Variants in TUBGCP5 observed in about 807,000 individuals in gnomAD.
The protein encoded by TUBGCP5 is tubulin gamma complex component 5, also known as gamma-tubulin complex component 5.
TUBGCP5 carries 98 observed loss-of-function variants against 134.7 expected under a neutral mutation model. The observed-to-expected ratio is 0.73, with a 90% CI of 0.62 to 0.86. The LOEUF (loss-of-function observed/expected upper bound fraction) is 0.86. Ranked by LOEUF, TUBGCP5 falls within the 40% of genes least tolerant of loss-of-function variation. The pLI, the probability that TUBGCP5 is intolerant of heterozygous loss-of-function variation, is 0.00. For missense variants in TUBGCP5, 1,150 were observed against 1,244.8 expected (o/e 0.92, Z 1.15); for synonymous variants, 456 against 431.4 (o/e 1.06, Z -0.71).
At chr15:23,028,804 A>T (rs1042975870) in intron 6 of TUBGCP5, among the ~76,000 whole-genome samples, 1 of 152,158 alleles carries the variant, frequency 6.6e-6, no homozygotes, top group Non-Finnish European at 1.5e-5. Flanking sequence ...GCTGGGCCAG[A>T]AAAGAGATTT....
intron 11 of TUBGCP5, 77 bp from the exon 12 acceptor site, chr15:23,019,411 AAAT>A: frequency 1.1e-6 from 1 of 885,596 alleles, no homozygotes; most frequent in African/African-American, 1.7e-5. Flanking sequence ...AACATTTCTG[AAAT>A]GCCTTTAAAA....
At chr15:23,021,308 A>T (rs566989278) in intron 11 of TUBGCP5, among the ~76,000 whole-genome samples, 1 of 152,174 alleles carries the variant, frequency 6.6e-6, no homozygotes, top group South Asian at 2.1e-4. Flanking sequence ...TAAAATATAT[A>T]ACATAAAATT....
chr15:23,005,836 C>A (rs1280956018), intron 18 of TUBGCP5: 1 of 676,190 alleles, frequency 1.5e-6, no homozygotes, highest in Non-Finnish European at 2.4e-6. Flanking sequence ...ACTGTACATA[C>A]AACTTCCTGA....
intron 19 of TUBGCP5, 46 bp downstream of exon 19, chr15:23,005,386 G>A (rs1399313644): frequency 1.9e-6 from 3 of 1,595,772 alleles, no homozygotes; most frequent in African/African-American, 2.7e-5. Flanking sequence ...ACGAACAACT[G>A]TATAGATACG....
intron 16 of TUBGCP5, among the ~76,000 whole-genome samples, chr15:23,007,040 A>C (rs2064757535): frequency 6.6e-6 from 1 of 152,136 alleles, no homozygotes; most frequent in Non-Finnish European, 1.5e-5. Flanking sequence ...TGGGGAGTTA[A>C]CTTCCAAATC....
In TUBGCP5 at chr15:23,008,729, A is replaced by T; in HGVS notation, c.2297T>A (p.Val766Glu). 2 of 1,607,838 alleles carry T rather than the reference A, an allele frequency of 1.2e-6. No individual in the cohort carries two copies. Among genetic ancestry groups the T allele is most frequent in the South Asian group, 2.2e-5 (2 of 89,188 alleles). ...SFLNVQLQEA[V>E]GQRYPEDSSR... ...ACTATCTTCAGGATAACGCTGTCCT[A>T]CTGCTTCTTGGAGTTGGACATTAAG... Residue 766 changes from valine (V) to glutamate (E), a missense_variant, in exon 16 of 23, where the codon GTA becomes GAA. By Grantham distance (121) the Val-to-Glu change is moderately radical (BLOSUM62 -2). This residue lies in a region of TUBGCP5 where 697 missense variants were observed against 850.1 expected (regional missense o/e 0.82). Coordinates refer to ENST00000615383, the MANE Select transcript of TUBGCP5 (RefSeq NM_052903.6).
chr15:23,028,811 A>G (rs1281173473), intron 6 of TUBGCP5, among the ~76,000 whole-genome samples: 1 of 152,072 alleles, frequency 6.6e-6, no homozygotes. Context: ...CAGAAAAGAG[A>G]TTTGATCATG....
intron 3 of TUBGCP5, among the ~76,000 whole-genome samples, chr15:23,036,298 T>C (rs1012783022): frequency 6.6e-6 from 1 of 152,190 alleles, no homozygotes; most frequent in Non-Finnish European, 1.5e-5. Context: ...TGTTGTCATA[T>C]ACTGTTACTG....
chr15:23,036,611 T>G (rs1197392272), intron 3 of TUBGCP5, among the ~76,000 whole-genome samples: 1 of 152,128 alleles, frequency 6.6e-6, no homozygotes, highest in Non-Finnish European at 1.5e-5. Flanking sequence ...AGAAACCATT[T>G]GAAAGTTTTG....
intron 22 of TUBGCP5, chr15:23,000,337 G>T: frequency 3.1e-6 from 4 of 1,275,284 alleles, no homozygotes; most frequent in Non-Finnish European, 3.9e-6. Flanking sequence ...AGGAGTTTTA[G>T]AAATCTGTTG....
chr15:22,997,462 G>A (rs886158731), downstream of TUBGCP5, among the ~76,000 whole-genome samples: 5 of 151,974 alleles, frequency 3.3e-5, no homozygotes, highest in African/African-American at 7.3e-5. Flanking sequence ...CTGCAGGCAT[G>A]AGCCACCGTG....
At chr15:23,029,662 C>T (rs1001368014) in intron 6 of TUBGCP5, among the ~76,000 whole-genome samples, 3 of 151,608 alleles carry the variant, frequency 2.0e-5, no homozygotes, top group Admixed American at 1.3e-4. Flanking sequence ...GGCAGGTGGA[C>T]GAGTTGAGGT....
intron 10 of TUBGCP5, 47 bp from the exon 11 acceptor site, chr15:23,022,208 C>A (rs1404989124): frequency 6.3e-7 from 1 of 1,583,110 alleles, no homozygotes; most frequent in East Asian, 2.2e-5. Flanking sequence ...AAAATACATG[C>A]ATCTAAAATG....
chr15:22,989,474 C>T (rs997763318), intron 23 of TUBGCP5, among the ~76,000 whole-genome samples: 3 of 116,348 alleles, frequency 2.6e-5, no homozygotes, highest in Non-Finnish European at 3.7e-5. Flanking sequence ...ACAACCCACC[C>T]CCTGTTAACT....
At chr15:23,032,267 A>G (rs2066351335) in intron 4 of TUBGCP5, among the ~76,000 whole-genome samples, 1 of 152,204 alleles carries the variant, frequency 6.6e-6, no homozygotes, top group Non-Finnish European at 1.5e-5. Flanking sequence ...GAACGAATAC[A>G]GTCATCCCTC....
At chr15:23,024,603 G>T in intron 9 of TUBGCP5, 134 bp downstream of exon 9, 1 of 553,212 alleles carries the variant, frequency 1.8e-6, no homozygotes, top group Non-Finnish European at 3.1e-6. Context: ...ATATTTTTAA[G>T]TTAGCTTTTT....
chr15:22,993,852 TG>T (rs1248163268), intron 23 of TUBGCP5, among the ~76,000 whole-genome samples: 1 of 151,282 alleles, frequency 6.6e-6, no homozygotes, highest in African/African-American at 2.4e-5. Context: ...GACTAATTTT[TG>T]TATTTTTTGT....
chr15:23,021,673 G>A (rs1180802047), intron 11 of TUBGCP5, among the ~76,000 whole-genome samples: 1 of 152,156 alleles, frequency 6.6e-6, no homozygotes, highest in African/African-American at 2.4e-5. Context: ...TGTCATGTTA[G>A]TTACATGTTA....
At chr15:23,017,371 C>A (rs959815923) in intron 13 of TUBGCP5, among the ~76,000 whole-genome samples, 1 of 152,018 alleles carries the variant, frequency 6.6e-6, no homozygotes, top group Non-Finnish European at 1.5e-5. Context: ...GATGGAAGTG[C>A]TAATTATCCT....
Sources: allele counts gnomAD v4.1 joint callset (sites outside exome capture counted in the v4.1 genomes callset), GRCh38; gene constraint gnomAD v4.1.1; regional missense constraint gnomAD v4.1.1; transcripts MANE v1.5; gene names NCBI Gene and HGNC (gene_info 2026-07-23, HGNC 2026-07-21).